The following LMO7 variants were observed in gnomAD, a reference collection of about 807,000 sequenced individuals.
LMO7 encodes the protein LIM domain only protein 7.
LMO7 carries 120 observed loss-of-function variants against 206.5 expected under a neutral mutation model. The observed-to-expected ratio is 0.58, with a 90% CI of 0.50 to 0.68. The LOEUF (loss-of-function observed/expected upper bound fraction) is 0.68. Among genes scored for constraint, LMO7 ranks in the 30% least tolerant of loss-of-function variants. The pLI, the probability that LMO7 is intolerant of heterozygous loss-of-function variation, is 0.00. For missense variants in LMO7, 1,959 were observed against 1,957.9 expected, an observed-to-expected ratio of 1.00 and a Z score of -0.01; for synonymous variants, 706 against 681.5, an observed-to-expected ratio of 1.04 and a Z score of -0.56.
chr13:75,842,819 T>C, intron 24 of LMO7, 32 bp from the exon 25 acceptor site: 1 of 1,401,366 alleles, frequency 7.1e-7, no homozygotes, highest in Non-Finnish European at 1.0e-6. Flanking sequence ...AAGTCTAATA[T>C]TTTGACAACA....
intron 1 of LMO7, among the ~76,000 whole-genome samples, chr13:75,648,618 A>T (rs1215537669): frequency 6.6e-6 from 1 of 152,216 alleles, no homozygotes; most frequent in Non-Finnish European, 1.5e-5. Flanking sequence ...AAGTGATTGG[A>T]CTTAATATGG....
intron 1 of LMO7, among the ~76,000 whole-genome samples, chr13:75,640,649 CTTAT>C (rs1254857165): frequency 1.3e-5 from 2 of 152,142 alleles, no homozygotes; most frequent in African/African-American, 4.8e-5. Flanking sequence ...GGAATCGTAT[CTTAT>C]TTATTGCTTG....
chr13:75,713,902 G>C (rs2043315483), intron 2 of LMO7, among the ~76,000 whole-genome samples: 1 of 152,160 alleles, frequency 6.6e-6, no homozygotes, highest in Non-Finnish European at 1.5e-5. Context: ...ATGAACTTTG[G>C]GAATAAGGGA....
chr13:75,715,436 ATT>A (rs1411351145), intron 2 of LMO7, among the ~76,000 whole-genome samples: 1 of 152,192 alleles, frequency 6.6e-6, no homozygotes, highest in Non-Finnish European at 1.5e-5. Context: ...TAATTCTAAT[ATT>A]GTTTTCTAAT....
At chr13:75,737,449 C>CT (rs201120774) in intron 3 of LMO7, among the ~76,000 whole-genome samples, 218 of 149,076 alleles carry the variant, frequency 1.5e-3, no homozygotes, top group Middle Eastern at 3.5e-3. Flanking sequence ...TAGTTAATAC[C>CT]TTTTTTAAAA....
chr13:75,820,305 T>C (rs1470189928), intron 13 of LMO7, among the ~76,000 whole-genome samples: 1 of 152,212 alleles, frequency 6.6e-6, no homozygotes, highest in East Asian at 1.9e-4. Flanking sequence ...TAAATATGAA[T>C]GGTGACTTTT....
chr13:75,676,722 T>C (rs938994862), intron 1 of LMO7, among the ~76,000 whole-genome samples: 1 of 152,192 alleles, frequency 6.6e-6, no homozygotes, highest in African/African-American at 2.4e-5. Flanking sequence ...TTAACAAAGC[T>C]TTTAGCCACT....
intron 4 of LMO7, among the ~76,000 whole-genome samples, chr13:75,783,577 C>T (rs2051908312): frequency 6.6e-6 from 1 of 152,174 alleles, no homozygotes; most frequent in South Asian, 2.1e-4. Context: ...CCCACCTCAT[C>T]CTCTCAAAGT....
chr13:75,678,906 A>G (rs1200194505), intron 1 of LMO7, among the ~76,000 whole-genome samples: 2 of 152,336 alleles, frequency 1.3e-5, no homozygotes, highest in East Asian at 3.9e-4. Context: ...GCAGATGATT[A>G]TCTGAAATCC....
intron 1 of LMO7, chr13:75,689,061 C>G (rs2041247332): frequency 6.6e-6 from 1 of 152,168 alleles, no homozygotes; most frequent in Non-Finnish European, 1.5e-5. Flanking sequence ...ACCTCTCTTT[C>G]ATTTTTCTGG....
upstream of LMO7, chr13:75,635,728 G>T (rs1023681750): frequency 1.3e-5 from 2 of 152,068 alleles, no homozygotes; most frequent in African/African-American, 4.8e-5. Flanking sequence ...AACTCCGCCG[G>T]GGGGAAGCGG....
intron 14 of LMO7, among the ~76,000 whole-genome samples, chr13:75,822,918 T>C (rs1020994753): frequency 1.1e-4 from 17 of 151,476 alleles, no homozygotes; most frequent in South Asian, 2.1e-4. Context: ...TAAAGAGTTA[T>C]AGATATTTGT....
At chr13:75,764,832 C>G (rs1594804383) in intron 4 of LMO7, among the ~76,000 whole-genome samples, 1 of 152,162 alleles carries the variant, frequency 6.6e-6, no homozygotes, top group East Asian at 1.9e-4. Context: ...GCTTGTCATG[C>G]AAAGAAATTC....
chr13:75,744,428 C>T (rs1366309131), intron 3 of LMO7, among the ~76,000 whole-genome samples: 4 of 151,908 alleles, frequency 2.6e-5, no homozygotes, highest in Non-Finnish European at 4.4e-5. Flanking sequence ...TTTTTTTGAA[C>T]GTTAATGAGT....
intron 25 of LMO7, among the ~76,000 whole-genome samples, chr13:75,844,733 T>G (rs143480807): frequency 1.1e-4 from 16 of 152,250 alleles, no homozygotes; most frequent in African/African-American, 3.6e-4. Context: ...CAAAGTTCAG[T>G]GTGTCTAGCA....
intron 3 of LMO7, among the ~76,000 whole-genome samples, chr13:75,758,776 TTGAG>T (rs1236177463): frequency 3.3e-5 from 5 of 152,222 alleles, no homozygotes; most frequent in Non-Finnish European, 7.3e-5. Context: ...TGGCTCTCAT[TTGAG>T]TAAGTTTACT....
intron 1 of LMO7, among the ~76,000 whole-genome samples, chr13:75,656,689 C>G (rs2038089153): frequency 6.6e-6 from 1 of 152,126 alleles, no homozygotes; most frequent in African/African-American, 2.4e-5. Flanking sequence ...CAACAAGTTT[C>G]ATGTGGATGT....
Position 75,796,761 on chromosome 13 carries a change from A to G in LMO7, c.462+12A>G. ...AAGCACTGACGAAGGTAAGTAAACT[A>G]CATCTGTGTGAGATTACTGCTGTAA... On this transcript the variant is annotated intron_variant, in intron 6 of 30. Transcript: ENST00000377534. 2.1e-6 allele frequency: 3 copies of G among 1,454,030 alleles called. No homozygotes were observed. Among genetic ancestry groups the G allele is most frequent in the South Asian group, 1.1e-5 (1 of 87,694 alleles). The allele number at this position is 1,454,030 out of a possible 1,614,324, so 90.1% of individuals were successfully genotyped here. A position where few individuals can be genotyped will look rare whatever the true frequency, so the allele number is the denominator to read the frequency against.
chr13:75,808,785 T>C (rs1022104573), intron 10 of LMO7, among the ~76,000 whole-genome samples: 3 of 152,212 alleles, frequency 2.0e-5, no homozygotes, highest in South Asian at 4.1e-4. Context: ...TTTTGATAGT[T>C]TGTATTATGC....
Sources: gnomAD v4.1 joint callset for allele counts (sites outside exome capture counted in the v4.1 genomes callset) on GRCh38, gnomAD v4.1.1 for gene constraint, MANE v1.5 for transcripts, NCBI Gene and HGNC (gene_info 2026-07-23, HGNC 2026-07-21) for gene names.